The following GSK3A variants were observed in gnomAD, a reference collection of about 807,000 sequenced individuals.
GSK3A encodes the protein glycogen synthase kinase-3 alpha.
In GSK3A, 14 loss-of-function variants were observed where a neutral mutation model predicts 56.6. The observed-to-expected ratio is 0.25, with a 90% CI of 0.16 to 0.39. The LOEUF is 0.39. Among genes scored for constraint, GSK3A ranks in the 10% least tolerant of loss-of-function variants. The pLI is 1.00. For missense variants in GSK3A, 450 were observed against 656.0 expected (o/e 0.69, Z 3.43); for synonymous variants, 301 against 285.0 (o/e 1.06, Z -0.56).
chr19:42,239,089 CTCTA>C (rs1265080462), intron 2 of GSK3A, among the ~76,000 whole-genome samples: 1 of 152,186 alleles, frequency 6.6e-6, no homozygotes, highest in Non-Finnish European at 1.5e-5. Context: ...GGTCCTCGAA[CTCTA>C]TCTAGGATCC....
intron 2 of GSK3A, 103 bp downstream of exon 2, chr19:42,239,852 G>T: frequency 1.1e-6 from 1 of 871,596 alleles, no homozygotes; most frequent in Non-Finnish European, 1.9e-6. Context: ...CTTCTCTTCT[G>T]GCCCATGGCT....
At chr19:42,233,262 G>GGCCCCCCCCCC in intron 7 of GSK3A, 24 bp downstream of exon 7, 1 of 1,077,536 alleles carries the variant, frequency 9.3e-7, no homozygotes, top group Non-Finnish European at 1.4e-6. Flanking sequence ...CCCACCCCCT[G>GGCCCCCCCCCC]CCCAGCCCAG....
Position 42,242,325 on chromosome 19 carries a change from G to A in GSK3A, c.141C>T (p.Gly47=). ...TGGCCCCGACAGATGCCTTTCCGCC[G>A]CCGGTGCCGCCTGGGCCGGAGGCCG... ...GGSASGPGGT[G]GGKASVGAMG... is the part of the protein sequence containing the mutation. The change falls in exon 1 of 11, where the codon GGC becomes GGT. Residue 47 remains glycine, a synonymous_variant. Coordinates refer to ENST00000222330, the MANE Select transcript of GSK3A (RefSeq NM_019884.3). 1 of 1,431,690 alleles carries A rather than the reference G, an allele frequency of 7.0e-7. No individual in the cohort carries two copies. The highest frequency in any genetic ancestry group is 2.8e-5 in the Admixed American group (1 of 35,918). 88.7% of individuals were successfully genotyped at this position (1,431,690 alleles called of 1,614,324 possible).
rs751671051 is a variant in GSK3A at position 42,234,628 on chromosome 19, G to A, written c.717C>T (p.Gly239=). The A allele has an allele frequency of 2.7e-5, 43 of 1,613,222 alleles. No homozygotes were observed. Among genetic ancestry groups the A allele is most frequent in the Middle Eastern group, 3.4e-4 (2 of 5,860 alleles). Residue 239 remains glycine (G), a synonymous_variant, in exon 5 of 11, where the codon GGC becomes GGT. Transcript: ENST00000222330. This position sits in a 1 kb window ranked among gnomAD's most constrained non-coding sequence, Gnocchi z 5.7. ...FRSLAYIHSQ[G]VCHRDIKPQN... Reference sequence around the variant, plus strand: ...GGGGCTTGATGTCGCGGTGACACACGCCCTGGGAGTGGATGTAGGCCAAGC... The same window carrying A: ...GGGGCTTGATGTCGCGGTGACACACACCCTGGGAGTGGATGTAGGCCAAGC...
At chr19:42,241,421 T>A (rs1302325408) in intron 1 of GSK3A, 1 of 152,078 alleles carries the variant, frequency 6.6e-6, no homozygotes, top group Non-Finnish European at 1.5e-5. Context: ...TAACCTTAGA[T>A]CCATATTCTG....
rs1434108754 is a variant in GSK3A at position 42,242,165 on chromosome 19, G to A, written c.283+18C>T. Reference sequence around the variant, plus strand: ...GGAACCCTAATCACCACCCTACACGGGCGCCACTAGTACTCACGGCCCAGC... The same window carrying A: ...GGAACCCTAATCACCACCCTACACGAGCGCCACTAGTACTCACGGCCCAGC... On this transcript the variant is annotated intron_variant, in intron 1 of 10. Coordinates refer to ENST00000222330, the MANE Select transcript of GSK3A (RefSeq NM_019884.3). 2 of 1,362,318 alleles carry A rather than the reference G, an allele frequency of 1.5e-6. No homozygotes were observed. The highest frequency in any genetic ancestry group is 6.9e-5 in the Admixed American group (2 of 29,184). The allele number at this position is 1,362,318 out of a possible 1,614,324, so 84.4% of individuals were successfully genotyped here.
chr19:42,232,219 C>T lies in GSK3A; in HGVS notation c.1286-70G>A, dbSNP rs563302623. 1.1e-5 allele frequency: 11 copies of T among 965,988 alleles called. 1 individual carries two copies. Among genetic ancestry groups the T allele is most frequent in the Non-Finnish European group, 1.8e-5 (11 of 617,512 alleles). The allele number at this position is 965,988 out of a possible 1,614,324, so 59.8% of individuals were successfully genotyped here. On this transcript the variant is annotated intron_variant, in intron 9 of 10. Coordinates refer to ENST00000222330, the MANE Select transcript of GSK3A (RefSeq NM_019884.3). ...GGTTATGATGGGCACCAAATGGGAA[C>T]CCAGCTATTGGGAAGGCCAGTTGTT...
chr19:42,240,016 C>T lies in GSK3A; in HGVS notation c.410G>A (p.Arg137Gln), dbSNP rs771018222. Residue 137 changes from arginine to glutamine, a missense_variant, in exon 2 of 11, where the codon CGG becomes CAG. Around this residue, in one of 3 missense-constraint regions of GSK3A, gnomAD observed 144 missense variants for 308.0 expected, o/e 0.47. Coordinates refer to ENST00000222330, the MANE Select transcript of GSK3A (RefSeq NM_019884.3). Reference protein sequence around the residue: ...NGSFGVVYQARLAETRELVAI... With the variant: ...NGSFGVVYQAQLAETRELVAI... ...GACTAGTTCCCTGGTCTCTGCCAGC[C>T]GTGCCTGGTACACGACCCCAAATGA... The T allele has an allele frequency of 2.3e-5, 37 of 1,614,016 alleles. No homozygotes were observed. Among genetic ancestry groups the T allele is most frequent in the African/African-American group, 2.7e-5 (2 of 74,906 alleles).
intron 2 of GSK3A, among the ~76,000 whole-genome samples, chr19:42,239,051 G>A (rs2036275947): frequency 6.6e-6 from 1 of 152,046 alleles, no homozygotes. Context: ...TGGCCATCCA[G>A]CTCACTCTGG....
Position 42,230,318 on chromosome 19 carries a change from G to A in GSK3A, c.*476C>T, listed in dbSNP as rs369326507. 24 of 166,890 alleles carry A rather than the reference G, an allele frequency of 1.4e-4. No homozygotes were observed. The highest frequency in any genetic ancestry group is 2.8e-4 in the Non-Finnish European group (21 of 76,202). The allele number at this position is 166,890 out of a possible 1,614,324, so 10.3% of individuals were successfully genotyped here. A position where few individuals can be genotyped will look rare whatever the true frequency, so the allele number is the denominator to read the frequency against. On this transcript the variant is annotated 3_prime_UTR_variant, in exon 11 of 11. Coordinates refer to ENST00000222330, the MANE Select transcript of GSK3A (RefSeq NM_019884.3). ...TGGGGTGAGGAGGGAGTAGACCTTGGGGGCAGAGGACAGGAGGGGAGTTAC... is the reference window on the plus strand; with the variant it reads ...TGGGGTGAGGAGGGAGTAGACCTTGAGGGCAGAGGACAGGAGGGGAGTTAC...
chr19:42,240,837 T>C (rs2036287286), intron 1 of GSK3A: 1 of 152,250 alleles, frequency 6.6e-6, no homozygotes, highest in East Asian at 1.9e-4. Context: ...CAAATTATGA[T>C]AATGATGAAC....
At position 42,235,835 on chromosome 19, in the gene GSK3A, C is replaced by G. The variant is rs547965947; in HGVS notation, c.666+771G>C. 1.7e-3 allele frequency among the ~76,000 whole-genome samples: 261 copies of G among 152,296 alleles called. 2 individuals carry two copies. Among genetic ancestry groups the G allele is most frequent in the African/African-American group, 2.3e-3 (97 of 41,564 alleles). ...ATTCCTCAGCCCTGGGACCCGTATG[C>G]AGGCAGCCACAGGACAGATTCGCCA... On this transcript the variant is annotated intron_variant, in intron 4 of 10. Transcript: ENST00000222330.
At position 42,240,054 on chromosome 19, in the gene GSK3A, C is replaced by G; in HGVS notation, c.372G>C (p.Val124=). The G allele has an allele frequency of 1.2e-6, 2 of 1,614,192 alleles. No individual in the cohort carries two copies. Among genetic ancestry groups the G allele is most frequent in the Non-Finnish European group, 1.7e-6 (2 of 1,180,034 alleles). ...CGACCCCAAATGAGCCATTGCCAAT[C>G]ACTTTGATGTCCGTGTAAGCCACTT... ...SQEVAYTDIK[V]IGNGSFGVVY... The change falls in exon 2 of 11, where the codon GTG becomes GTC. Residue 124 remains valine (V), a synonymous_variant. Coordinates refer to ENST00000222330, the MANE Select transcript of GSK3A (RefSeq NM_019884.3).
At position 42,233,273 on chromosome 19, in the gene GSK3A, C is replaced by T. The variant is rs751035995; in HGVS notation, c.1002+13G>A. 1 of 1,550,328 alleles carries T rather than the reference C, an allele frequency of 6.5e-7. No individual in the cohort carries two copies. The highest frequency in any genetic ancestry group is 2.3e-5 in the East Asian group (1 of 43,600). On this transcript the variant is annotated intron_variant, in intron 7 of 10. Transcript: ENST00000222330. ...CAGCCCCACCCCCTGCCCAGCCCAG[C>T]CCCGCCCCTCACCTTGATGATCTCC...
intron 6 of GSK3A, among the ~76,000 whole-genome samples, chr19:42,233,900 C>T (rs990639874): frequency 3.9e-5 from 6 of 152,174 alleles, no homozygotes; most frequent in African/African-American, 1.4e-4. Context: ...AACTCTCATG[C>T]CCATTCCCTC....
At position 42,233,403 on chromosome 19, in the gene GSK3A, G is replaced by A. The variant is rs374265274; in HGVS notation, c.905-20C>T. 1.1e-5 allele frequency: 17 copies of A among 1,519,710 alleles called. No homozygotes were observed. The highest frequency in any genetic ancestry group is 3.8e-5 in the Admixed American group (2 of 52,878). The allele number at this position is 1,519,710 out of a possible 1,614,324, so 94.1% of individuals were successfully genotyped here. A position where few individuals can be genotyped will look rare whatever the true frequency, so the allele number is the denominator to read the frequency against. ...AAACATCTGAGGGGAAATGGAGGGAGCGTCAGGGCTAGGCGAGTAGGGCCA... is the reference window on the plus strand; with the variant it reads ...AAACATCTGAGGGGAAATGGAGGGAACGTCAGGGCTAGGCGAGTAGGGCCA... On this transcript the variant is annotated intron_variant, in intron 6 of 10. Transcript: ENST00000222330.
chr19:42,242,547 GC>G lies in GSK3A; in HGVS notation c.-83del. The G allele has an allele frequency of 1.0e-6, 1 of 963,648 alleles. No individual in the cohort carries two copies. The allele number at this position is 963,648 out of a possible 1,614,324, so 59.7% of individuals were successfully genotyped here. A position where few individuals can be genotyped will look rare whatever the true frequency, so the allele number is the denominator to read the frequency against. ...CCGCCGCTGCCGCCGCCTCCCCCGGGCCCTGGCCTCTTCCAGGCCGCGCCGC... is the reference window on the plus strand; with the variant it reads ...CCGCCGCTGCCGCCGCCTCCCCCGGGCCTGGCCTCTTCCAGGCCGCGCCGC... On this transcript the variant is annotated 5_prime_UTR_variant, in exon 1 of 11. Coordinates refer to ENST00000222330, the MANE Select transcript of GSK3A (RefSeq NM_019884.3).
rs1330346242 is a variant in GSK3A, at chr19:42,230,805, TAGTG to T, written c.1437_1440del (p.Asn481ProfsTer38). ...GCTTGGTGGGGCCCTCAGGAGGAGT[TAGTG>T]AGGGTAGGTGTGGCATCGGTCGACT... is the stretch of plus-strand genomic sequence containing the variant. On this transcript the variant is annotated frameshift_variant, in exon 11 of 11. Coordinates refer to ENST00000222330, the MANE Select transcript of GSK3A (RefSeq NM_019884.3). LOFTEE classifies it high-confidence loss of function. 1.3e-6 allele frequency: 2 copies of T among 1,560,454 alleles called. No individual in the cohort carries two copies. Among genetic ancestry groups the T allele is most frequent in the Admixed American group, 1.9e-5 (1 of 52,200 alleles).
At position 42,233,275 on chromosome 19, in the gene GSK3A, C is replaced by A; in HGVS notation, c.1002+11G>T. On this transcript the variant is annotated intron_variant, in intron 7 of 10. Transcript: ENST00000222330. The stretch of plus-strand genomic sequence containing the variant: ...GCCCCACCCCCTGCCCAGCCCAGCC[C>A]CGCCCCTCACCTTGATGATCTCCAC... 6.4e-7 allele frequency: 1 copy of A among 1,561,066 alleles called. No homozygotes were observed. The highest frequency in any genetic ancestry group is 2.3e-5 in the East Asian group (1 of 43,672).
Sources: gnomAD v4.1 joint callset for allele counts (sites outside exome capture counted in the v4.1 genomes callset) on GRCh38, gnomAD v4.1.1 for gene constraint, gnomAD v4.1.1 regional missense constraint, Gnocchi (gnomAD v3.1) non-coding constraint, MANE v1.5 for transcripts, NCBI Gene and HGNC (gene_info 2026-07-23, HGNC 2026-07-21) for gene names.